COL4A2: variants seen among roughly 807,000 people sequenced by gnomAD.
COL4A2 encodes the protein collagen alpha-2(IV) chain.
COL4A2 carries 99 observed loss-of-function variants against 200.2 expected under a neutral mutation model. The ratio of observed to expected loss-of-function variants is 0.49; its 90% confidence interval spans 0.42 to 0.58. The LOEUF (loss-of-function observed/expected upper bound fraction) is 0.58. COL4A2 is among the 20% of genes least tolerant of loss of function. The probability of loss-of-function intolerance (pLI) is 0.00; values close to 1 mark genes in which losing one functional copy is unlikely to be tolerated. For missense variants in COL4A2, 1,950 were observed against 2,314.1 expected (o/e 0.84, Z 3.23); for synonymous variants, 897 against 900.6 (o/e 1.00, Z 0.07).
At chr13:110,453,323 G>A (rs567306444) in intron 20 of COL4A2, among the ~76,000 whole-genome samples, 1 of 152,128 alleles carries the variant, frequency 6.6e-6, no homozygotes, top group Non-Finnish European at 1.5e-5. Context: ...CCAACATGGT[G>A]AAACCCCATC....
intron 20 of COL4A2, among the ~76,000 whole-genome samples, chr13:110,453,796 AC>A (rs1449897924): frequency 4.6e-5 from 7 of 152,216 alleles, no homozygotes; most frequent in Non-Finnish European, 1.0e-4. Flanking sequence ...TATATATATT[AC>A]CCCTGTGAGA....
At chr13:110,313,540 C>CTGGGTTCCAGCCCCT (rs1566467379) in intron 3 of COL4A2, among the ~76,000 whole-genome samples, 5 of 135,338 alleles carry the variant, frequency 3.7e-5, no homozygotes, top group African/African-American at 1.1e-4. Context: ...CACCCCGGTG[C>CTGGGTTCCAGCCCCT]CCCGCGTCCA....
intron 4 of COL4A2, among the ~76,000 whole-genome samples, chr13:110,409,453 G>C (rs1028993491): frequency 5.3e-5 from 8 of 152,242 alleles, no homozygotes; most frequent in African/African-American, 1.9e-4. Flanking sequence ...TGGTGTCTGC[G>C]CTGCTGCCGC....
At chr13:110,340,169 G>T (rs573231725) in intron 3 of COL4A2, among the ~76,000 whole-genome samples, 22 of 152,286 alleles carry the variant, frequency 1.4e-4, no homozygotes, top group Non-Finnish European at 2.8e-4. Context: ...TGTTGCCCAG[G>T]TTGGAGTGCC....
rs148470707 is a variant in COL4A2 at position 110,349,740 on chromosome 13, T to C, written c.100-7732T>C. On this transcript the variant is annotated intron_variant, in intron 3 of 47. Coordinates refer to ENST00000360467, the MANE Select transcript of COL4A2 (RefSeq NM_001846.4). ...TTGATGTCTATGGTAAATCTATCCA[T>C]GCAAACAGATGGATTTTCATATCTT... 1.4e-4 allele frequency among the ~76,000 whole-genome samples: 22 copies of C among 152,240 alleles called. No homozygotes were observed. In the East Asian group the frequency reaches 3.9e-3, roughly 27 times the overall value.
intron 4 of COL4A2, among the ~76,000 whole-genome samples, chr13:110,410,791 AC>A (rs1464683071): frequency 1.3e-5 from 2 of 152,132 alleles, no homozygotes; most frequent in African/African-American, 4.8e-5. Flanking sequence ...AAATAAAGAA[AC>A]TGAGGCTCAG....
intron 16 of COL4A2, among the ~76,000 whole-genome samples, chr13:110,443,920 G>C (rs1379009136): frequency 6.6e-6 from 1 of 152,182 alleles, no homozygotes; most frequent in East Asian, 1.9e-4. Context: ...TTTTGACTTA[G>C]GGTTCCCGCC....
chr13:110,455,584 T>C (rs767763187), intron 20 of COL4A2, among the ~76,000 whole-genome samples: 20 of 152,116 alleles, frequency 1.3e-4, no homozygotes, highest in Non-Finnish European at 2.2e-4. Flanking sequence ...TCCATGAGAG[T>C]CCATCGGTTT....
chr13:110,474,717 TCA>T lies in COL4A2; in HGVS notation c.2425+1573_2425+1574del, dbSNP rs1201679311. 1.6e-4 allele frequency among the ~76,000 whole-genome samples: 14 copies of T among 88,438 alleles called. 3 individuals carry two copies. Among genetic ancestry groups the T allele is most frequent in the African/African-American group, 2.6e-4 (6 of 22,994 alleles). The allele number at this position is 88,438 out of a possible 152,430, so 58.0% of individuals were successfully genotyped here. ...CACGTGCCTGTGTACACTCACATGA[TCA>T]CACACGCACGTACCCACACACGTGC... On this transcript the variant is annotated intron_variant, in intron 29 of 47. Transcript: ENST00000360467.
intron 3 of COL4A2, among the ~76,000 whole-genome samples, chr13:110,333,496 A>G (rs764070349): frequency 1.1e-4 from 17 of 152,046 alleles, no homozygotes; most frequent in Non-Finnish European, 1.6e-4. Flanking sequence ...GTCTTTCCTC[A>G]CTGATCTCTT....
chr13:110,350,277 T>C (rs1876897449), intron 3 of COL4A2, among the ~76,000 whole-genome samples: 2 of 152,194 alleles, frequency 1.3e-5, no homozygotes, highest in African/African-American at 4.8e-5. Context: ...GCCAACTGGC[T>C]CCTAAACATT....
chr13:110,496,884 C>G (rs374189081), intron 40 of COL4A2, among the ~76,000 whole-genome samples: 59 of 151,154 alleles, frequency 3.9e-4, no homozygotes, highest in Middle Eastern at 7.1e-3. Flanking sequence ...CCAGCACAGC[C>G]TCAGTCAGGG....
chr13:110,359,089 A>G (rs1359377009), intron 4 of COL4A2, among the ~76,000 whole-genome samples: 1 of 152,248 alleles, frequency 6.6e-6, no homozygotes, highest in East Asian at 1.9e-4. Context: ...TGGCAGTTGT[A>G]TCATTGCTAA....
intron 16 of COL4A2, among the ~76,000 whole-genome samples, chr13:110,441,075 A>G (rs1881104893): frequency 6.6e-6 from 1 of 152,198 alleles, no homozygotes. Context: ...GGTGGTACAC[A>G]GGGCTTGGCT....
At chr13:110,359,134 G>T (rs1858233768) in intron 4 of COL4A2, among the ~76,000 whole-genome samples, 1 of 152,146 alleles carries the variant, frequency 6.6e-6, no homozygotes. Flanking sequence ...CTCCCTGAAT[G>T]TCTTTGATGT....
intron 16 of COL4A2, among the ~76,000 whole-genome samples, chr13:110,444,378 GT>G (rs1456484330): frequency 2.0e-5 from 3 of 152,222 alleles, no homozygotes; most frequent in Non-Finnish European, 4.4e-5. Context: ...CCCACTGAGT[GT>G]CCAGCTGCCA....
intron 3 of COL4A2, among the ~76,000 whole-genome samples, chr13:110,318,170 T>G: frequency 6.6e-6 from 1 of 152,178 alleles, no homozygotes; most frequent in Admixed American, 6.5e-5. Flanking sequence ...CAGGGTCTCA[T>G]GTATGTGACA....
chr13:110,357,543 A>T lies in COL4A2; in HGVS notation c.171A>T (p.Lys57Asn). Residue 57 changes from lysine to asparagine, a missense_variant, in exon 4 of 48, where the codon AAA becomes AAT. Transcript: ENST00000360467. ...CSGGCQCYPE[K>N]GGRGQPGPVG... ...GGGGCTGCCAGTGCTACCCTGAGAA[A>T]GGTGGACGTGTAAGTCACAGCATTG... is the stretch of plus-strand genomic sequence containing the variant. 6.3e-7 allele frequency: 1 copy of T among 1,583,078 alleles called. No individual in the cohort carries two copies. The highest frequency in any genetic ancestry group is 8.6e-7 in the Non-Finnish European group (1 of 1,161,934).
At chr13:110,371,410 A>G (rs1594175294) in intron 4 of COL4A2, among the ~76,000 whole-genome samples, 1 of 152,340 alleles carries the variant, frequency 6.6e-6, no homozygotes, top group East Asian at 1.9e-4. Flanking sequence ...AAGTATTTAT[A>G]TATTTTCTGT....
Sources: gnomAD v4.1 joint callset for allele counts (sites outside exome capture counted in the v4.1 genomes callset) on GRCh38, gnomAD v4.1.1 for gene constraint, MANE v1.5 for transcripts, NCBI Gene and HGNC (gene_info 2026-07-23, HGNC 2026-07-21) for gene names.